The following PXDNL variants were observed in gnomAD, a reference collection of about 807,000 sequenced individuals.
The protein encoded by PXDNL is peroxidasin like.
Under a neutral mutation model 150.8 loss-of-function variants are expected in PXDNL, and 145 were observed. The ratio of observed to expected loss-of-function variants is 0.96; its 90% CI spans 0.84 to 1.10. The LOEUF (loss-of-function observed/expected upper bound fraction) is 1.10. PXDNL is among the 50% of genes least tolerant of loss of function. PXDNL has a pLI of 0.00. For synonymous variants in PXDNL, 757 were observed against 725.7 expected, an observed-to-expected ratio of 1.04 and a Z score of -0.69; for missense variants, 2,087 against 1,873.9, an observed-to-expected ratio of 1.11 and a Z score of -2.10.
intron 3 of PXDNL, among the ~76,000 whole-genome samples, chr8:51,557,211 AAT>A (rs985967534): frequency 3.7e-4 from 57 of 152,254 alleles, no homozygotes; most frequent in Admixed American, 2.0e-3. Context: ...CTCTAAGAAA[AAT>A]ATGTTTGACT....
intron 4 of PXDNL, among the ~76,000 whole-genome samples, chr8:51,509,769 CACACAAAT>C (rs1811372064): frequency 7.4e-6 from 1 of 135,760 alleles, no homozygotes; most frequent in Non-Finnish European, 1.6e-5. Flanking sequence ...CACACACACA[CACACAAAT>C]ATATACACAC....
chr8:51,692,752 G>A (rs1434281307), intron 1 of PXDNL, among the ~76,000 whole-genome samples: 2 of 152,240 alleles, frequency 1.3e-5, no homozygotes, highest in Admixed American at 6.5e-5. Context: ...CTCACTAGGT[G>A]TGGTACACCA....
At chr8:51,551,546 T>A (rs1247523207) in intron 4 of PXDNL, among the ~76,000 whole-genome samples, 1 of 152,152 alleles carries the variant, frequency 6.6e-6, no homozygotes. Flanking sequence ...AACTGATCTT[T>A]GGCAAAGCAA....
chr8:51,792,039 G>C (rs929253103), intron 1 of PXDNL, among the ~76,000 whole-genome samples: 3 of 151,918 alleles, frequency 2.0e-5, no homozygotes, highest in African/African-American at 7.3e-5. Context: ...TACAAAAAAA[G>C]AAAATAAATG....
chr8:51,408,487 TTAA>T lies in PXDNL; in HGVS notation c.3134_3136del (p.Ile1045del). On this transcript the variant is annotated inframe_deletion, in exon 17 of 23. Transcript: ENST00000356297. ...TCTAAAGGCTGCAGTAGCAAAAGAGTTAATGATGCCTGCATTCACGTTGGGGTT... is the reference window on the plus strand; with the variant it reads ...TCTAAAGGCTGCAGTAGCAAAAGAGTTGATGCCTGCATTCACGTTGGGGTT... The T allele has an allele frequency of 1.2e-6, 2 of 1,612,706 alleles. No individual in the cohort carries two copies. The highest frequency in any genetic ancestry group is 1.7e-6 in the Non-Finnish European group (2 of 1,179,596).
intron 12 of PXDNL, among the ~76,000 whole-genome samples, chr8:51,432,060 T>C (rs1809261105): frequency 6.6e-6 from 1 of 152,232 alleles, no homozygotes; most frequent in Admixed American, 6.5e-5. Context: ...GTTTTGCAAA[T>C]CTTTCTATAC....
chr8:51,372,147 A>G, intron 18 of PXDNL, 66 bp from the exon 19 acceptor site: 1 of 1,159,892 alleles, frequency 8.6e-7, no homozygotes, highest in South Asian at 1.4e-5. Flanking sequence ...CTGCATGTCA[A>G]ACAGCCACAA....
intron 12 of PXDNL, among the ~76,000 whole-genome samples, chr8:51,433,839 C>T (rs1005603063): frequency 6.6e-6 from 1 of 152,096 alleles, no homozygotes; most frequent in African/African-American, 2.4e-5. Context: ...CTTCAATAAA[C>T]ATTTTTCCAA....
intron 21 of PXDNL, among the ~76,000 whole-genome samples, chr8:51,322,655 A>G (rs1805360617): frequency 6.6e-6 from 1 of 152,212 alleles, no homozygotes; most frequent in South Asian, 2.1e-4. Context: ...TAGCAGGTAG[A>G]GGAGATTGGC....
intron 2 of PXDNL, among the ~76,000 whole-genome samples, chr8:51,641,064 A>C (rs1255356365): frequency 6.6e-6 from 1 of 152,068 alleles, no homozygotes. Context: ...ATCTACAACC[A>C]TCTGATCTTT....
Position 51,601,041 on chromosome 8 carries a change from CTT to C in PXDNL, c.237-8345_237-8344del, listed in dbSNP as rs1491498775. 8.1e-4 allele frequency among the ~76,000 whole-genome samples: 117 copies of C among 144,892 alleles called. 2 individuals are homozygous for C. Among genetic ancestry groups the C allele is most frequent in the Non-Finnish European group, 1.5e-4 (10 of 66,586 alleles). ...AAATTACATCTTATATAAATTATAT[CTT>C]ATAAATATATTATATCTTATATCAA... On this transcript the variant is annotated intron_variant, in intron 2 of 22. Coordinates refer to ENST00000356297, the MANE Select transcript of PXDNL (RefSeq NM_144651.5).
At chr8:51,658,815 T>G (rs533208270) in intron 1 of PXDNL, among the ~76,000 whole-genome samples, 57 of 152,216 alleles carry the variant, frequency 3.7e-4, no homozygotes, top group Non-Finnish European at 7.6e-4. Context: ...TGTCTACACA[T>G]AAAGGACTAG....
intron 17 of PXDNL, among the ~76,000 whole-genome samples, chr8:51,381,207 C>A (rs974474804): frequency 2.6e-5 from 4 of 152,110 alleles, no homozygotes; most frequent in Admixed American, 6.6e-5. Context: ...TTGGAACCAC[C>A]CAAATTACAT....
chr8:51,354,666 C>A (rs1380797977), intron 19 of PXDNL, among the ~76,000 whole-genome samples: 2 of 151,984 alleles, frequency 1.3e-5, no homozygotes, highest in Non-Finnish European at 2.9e-5. Flanking sequence ...AAATAAAGTT[C>A]TAGTATTAAG....
rs1471219558 is a variant in PXDNL, at chr8:51,599,780, T to G, written c.237-7082A>C. On this transcript the variant is annotated intron_variant, in intron 2 of 22. Transcript: ENST00000356297. ...TTTATATAATAAATTATATCTTATA[T>G]AAATGATATCGTTTAGATAATAAAT... Among the ~76,000 whole-genome samples the G allele has an allele frequency of 2.8e-5, 4 of 143,522 alleles. No homozygotes were observed. The East Asian group carries it at 7.9e-4, about 28-fold the overall frequency. 94.2% of individuals were successfully genotyped at this position (143,522 alleles called of 152,430 possible).
chr8:51,493,852 A>G (rs1810964184), intron 5 of PXDNL, among the ~76,000 whole-genome samples: 1 of 152,258 alleles, frequency 6.6e-6, no homozygotes, highest in South Asian at 2.1e-4. Flanking sequence ...GTTGGAAAAC[A>G]GTCTGCAGGA....
intron 1 of PXDNL, among the ~76,000 whole-genome samples, chr8:51,806,958 T>TTGTAATTCC (rs1186716270): frequency 2.6e-5 from 4 of 152,328 alleles, no homozygotes; most frequent in Admixed American, 1.3e-4. Context: ...ATATTTAGGT[T>TTGTAATTCC]TGTAATTCCT....
chr8:51,758,749 A>G (rs2037129927), intron 1 of PXDNL, among the ~76,000 whole-genome samples: 1 of 152,206 alleles, frequency 6.6e-6, no homozygotes, highest in Non-Finnish European at 1.5e-5. Flanking sequence ...CTCCCCAGTC[A>G]TGCAGAACTG....
At chr8:51,704,617 A>G (rs912726558) in intron 1 of PXDNL, among the ~76,000 whole-genome samples, 4 of 152,158 alleles carry the variant, frequency 2.6e-5, no homozygotes, top group African/African-American at 9.7e-5. Context: ...AACACTTCTC[A>G]TTGCTCCACA....
Sources: allele counts gnomAD v4.1 joint callset (sites outside exome capture counted in the v4.1 genomes callset), GRCh38; gene constraint gnomAD v4.1.1; transcripts MANE v1.5; gene names NCBI Gene and HGNC (gene_info 2026-07-23, HGNC 2026-07-21).